GAN: variants seen among roughly 807,000 people sequenced by gnomAD.
GAN encodes the protein gigaxonin, also known as epididymis secretory sperm binding protein.
A neutral mutation model predicts 71.3 loss-of-function variants in GAN; 48 were observed. The observed-to-expected ratio is 0.67, with a 90% CI of 0.53 to 0.86. The LOEUF (loss-of-function observed/expected upper bound fraction) is 0.86. Ranked by LOEUF, GAN falls within the 40% of genes least tolerant of loss-of-function variation. The pLI, the probability that GAN is intolerant of heterozygous loss-of-function variation, is 0.00. For missense variants in GAN, 928 were observed against 770.1 expected (o/e 1.21, Z -2.43); for synonymous variants, 386 against 276.8 (o/e 1.39, Z -3.92).
At chr16:81,365,584 AT>A (rs1210986052) in intron 9 of GAN, 106 bp downstream of exon 9, 4 of 1,129,274 alleles carry the variant, frequency 3.5e-6, no homozygotes, top group Admixed American at 3.4e-5. Context: ...TAAATTATGG[AT>A]TTAGGAGATA....
intron 9 of GAN, 101 bp from the exon 10 acceptor site, chr16:81,377,118 T>C: frequency 2.5e-6 from 2 of 807,056 alleles, no homozygotes; most frequent in Admixed American, 3.4e-5. Flanking sequence ...GCACAGTGCC[T>C]GATACTGCTG....
intron 9 of GAN, among the ~76,000 whole-genome samples, chr16:81,370,626 C>T (rs762961401): frequency 2.0e-5 from 3 of 152,220 alleles, no homozygotes; most frequent in Non-Finnish European, 2.9e-5. Context: ...GGAGAGTGTG[C>T]ACCCCTGGTC....
At chr16:81,368,976 G>C (rs529632346) in intron 9 of GAN, among the ~76,000 whole-genome samples, 1 of 152,328 alleles carries the variant, frequency 6.6e-6, no homozygotes, top group South Asian at 2.1e-4. Flanking sequence ...TTGAGGTTAA[G>C]AAAAAGTTTC....
At position 81,380,801 on chromosome 16, in the gene GAN, A is replaced by G. The variant is rs1306133687; in HGVS notation, c.*3205A>G. ...GCGTTTCTCTTCTTCAGCAGGATTA[A>G]AAACAGTGTTTACCAACTCGTAGTT... is the stretch of plus-strand genomic sequence containing the variant. On this transcript the variant is annotated 3_prime_UTR_variant, in exon 11 of 11. Transcript: ENST00000648994. The G allele has an allele frequency of 1.3e-5, 2 of 152,206 alleles. No individual in the cohort carries two copies. The highest frequency in any genetic ancestry group is 3.8e-4 in the East Asian group (2 of 5,198). 9.4% of individuals were successfully genotyped at this position (152,206 alleles called of 1,614,324 possible). A position where few individuals can be genotyped will look rare whatever the true frequency, so the allele number is the denominator to read the frequency against.
chr16:81,353,500 A>G (rs575182772), intron 2 of GAN, among the ~76,000 whole-genome samples: 93 of 152,272 alleles, frequency 6.1e-4, no homozygotes, highest in African/African-American at 2.2e-3. Flanking sequence ...TACTTTCCAC[A>G]TTTTTGTTGC....
intron 1 of GAN, among the ~76,000 whole-genome samples, chr16:81,324,550 G>A (rs778851434): frequency 6.6e-6 from 1 of 152,112 alleles, no homozygotes; most frequent in Non-Finnish European, 1.5e-5. Context: ...CAAAGGGTGG[G>A]ATGGCATCGA....
At chr16:81,335,993 A>G (rs16955064) in intron 1 of GAN, among the ~76,000 whole-genome samples, 51,249 of 152,060 alleles carry the variant, frequency 0.34, 9,879 homozygotes, top group East Asian at 0.72. Context: ...TCAGTGCACC[A>G]GTGTGAGGCT....
Position 81,382,634 on chromosome 16 carries a change from G to A in GAN, c.*5038G>A, listed in dbSNP as rs1904311171. 1 of 152,134 alleles carries A rather than the reference G, an allele frequency of 6.6e-6. No homozygotes were observed. The highest frequency in any genetic ancestry group is 2.1e-4 in the South Asian group (1 of 4,828). The allele number at this position is 152,134 out of a possible 1,614,324, so 9.4% of individuals were successfully genotyped here. On this transcript the variant is annotated 3_prime_UTR_variant, in exon 11 of 11. Transcript: ENST00000648994. ...CTCTTTACTCTGTCTGTAGTTTTGAGAAATTACAGAAATTCATAGTATAAG... is the reference window on the plus strand; with the variant it reads ...CTCTTTACTCTGTCTGTAGTTTTGAAAAATTACAGAAATTCATAGTATAAG...
rs1910419866 is a variant in GAN, at chr16:81,354,505, GC to G, written c.384del (p.Cys128Ter). 1.3e-5 allele frequency: 21 copies of G among 1,613,892 alleles called. No individual in the cohort carries two copies. Among genetic ancestry groups the G allele is most frequent in the Non-Finnish European group, 1.8e-5 (21 of 1,179,746 alleles). On this transcript the variant is annotated frameshift_variant, in exon 3 of 11. Transcript: ENST00000648994. LOFTEE classifies it high-confidence loss of function. ...KTLCCEFLEG[C>X]IAAENCIGIR... ...CTGTGCTGTGAGTTTTTGGAAGGCT[GC>G]ATTGCTGCTGAGAACTGTATTGGTA...
intron 1 of GAN, among the ~76,000 whole-genome samples, chr16:81,341,430 T>TG (rs1193886726): frequency 1.3e-5 from 2 of 152,200 alleles, no homozygotes; most frequent in African/African-American, 4.8e-5. Flanking sequence ...AGACTAACAG[T>TG]GGATCTCTCT....
chr16:81,322,871 A>G (rs1342814954), intron 1 of GAN, among the ~76,000 whole-genome samples: 1 of 152,210 alleles, frequency 6.6e-6, no homozygotes, highest in Non-Finnish European at 1.5e-5. Context: ...CTGAAACCTC[A>G]CATTTAGGCT....
rs1904293069 is a variant in GAN, at chr16:81,379,129, G to A, written c.*1533G>A. 1 of 151,966 alleles carries A rather than the reference G, an allele frequency of 6.6e-6. No homozygotes were observed. The highest frequency in any genetic ancestry group is 2.4e-5 in the African/African-American group (1 of 41,346). 9.4% of individuals were successfully genotyped at this position (151,966 alleles called of 1,614,324 possible). On this transcript the variant is annotated 3_prime_UTR_variant, in exon 11 of 11. Coordinates refer to ENST00000648994, the MANE Select transcript of GAN (RefSeq NM_022041.4). The stretch of plus-strand genomic sequence containing the variant: ...TAAAGGTATCCTTTGGTTTTAAGTC[G>A]AGAACAGGAATTTCTTCTAGAAACT...
chr16:81,326,805 G>A (rs956548253), intron 1 of GAN, among the ~76,000 whole-genome samples: 1 of 152,180 alleles, frequency 6.6e-6, no homozygotes, highest in African/African-American at 2.4e-5. Flanking sequence ...TCTAAACATA[G>A]AAAAGCCACA....
At chr16:81,341,342 C>G (rs570033470) in intron 1 of GAN, among the ~76,000 whole-genome samples, 10 of 152,056 alleles carry the variant, frequency 6.6e-5, no homozygotes, top group Non-Finnish European at 1.5e-4. Flanking sequence ...CACATAGATT[C>G]ACCAAGGTTG....
At chr16:81,318,844 G>A (rs143583577) in intron 1 of GAN, among the ~76,000 whole-genome samples, 1 of 152,304 alleles carries the variant, frequency 6.6e-6, no homozygotes, top group Non-Finnish European at 1.5e-5. Context: ...GAGAGAGCAC[G>A]TGTCATGCAG....
rs540853075 is a variant in GAN, at chr16:81,330,139, C to T, written c.167+14859C>T. 3.9e-5 allele frequency among the ~76,000 whole-genome samples: 6 copies of T among 152,376 alleles called. No homozygotes were observed. In the South Asian group the frequency reaches 1.2e-3, roughly 32 times the overall value. ...GGCCCTGCCCCTCCTCAAGTGCCAG[C>T]TTTCATCAGTTCTGACTTGTGGCAG... On this transcript the variant is annotated intron_variant, in intron 1 of 10. Coordinates refer to ENST00000648994, the MANE Select transcript of GAN (RefSeq NM_022041.4).
Position 81,384,826 on chromosome 16 carries a change from C to T in GAN, c.*7230C>T, listed in dbSNP as rs1343351765. The T allele has an allele frequency of 6.6e-6, 1 of 152,400 alleles. No individual in the cohort carries two copies. Among genetic ancestry groups the T allele is most frequent in the East Asian group, 1.9e-4 (1 of 5,194 alleles). The allele number at this position is 152,400 out of a possible 1,614,324, so 9.4% of individuals were successfully genotyped here. ...CCACACGTGGTCGCCTCCATCCTCC[C>T]TAGTGTCTGTCAGCTTGCCTGGTCA... On this transcript the variant is annotated 3_prime_UTR_variant, in exon 11 of 11. Transcript: ENST00000648994.
At chr16:81,368,856 C>T (rs968781522) in intron 9 of GAN, among the ~76,000 whole-genome samples, 1 of 152,176 alleles carries the variant, frequency 6.6e-6, no homozygotes, top group Non-Finnish European at 1.5e-5. Flanking sequence ...GTGGCACATA[C>T]CTTTTTGCTC....
At chr16:81,329,667 T>C (rs1383705227) in intron 1 of GAN, among the ~76,000 whole-genome samples, 1 of 152,208 alleles carries the variant, frequency 6.6e-6, no homozygotes, top group African/African-American at 2.4e-5. Flanking sequence ...TTTGTTGATA[T>C]ATTTTGTTGA....
Sources: gnomAD v4.1 joint callset for allele counts (sites outside exome capture counted in the v4.1 genomes callset) on GRCh38, gnomAD v4.1.1 for gene constraint, MANE v1.5 for transcripts, NCBI Gene and HGNC (gene_info 2026-07-23, HGNC 2026-07-21) for gene names.